AFF1: variants seen among roughly 807,000 people sequenced by gnomAD.
The protein encoded by AFF1 is AF4/FMR2 family member 1.
In AFF1, 48 loss-of-function variants were observed where a neutral mutation model predicts 121.7. That is an observed-to-expected ratio of 0.39 (90% confidence interval 0.31 to 0.50). The LOEUF is 0.50. Among genes scored for constraint, AFF1 ranks in the 20% least tolerant of loss-of-function variants. The probability of loss-of-function intolerance (pLI) is 0.76; values close to 1 mark genes in which losing one functional copy is unlikely to be tolerated. For missense variants in AFF1, 1,523 were observed against 1,511.7 expected (o/e 1.01, Z -0.12); for synonymous variants, 613 against 563.0 (o/e 1.09, Z -1.26).
At chr4:86,976,432 C>T (rs1269682257) in intron 2 of AFF1, among the ~76,000 whole-genome samples, 5 of 152,062 alleles carry the variant, frequency 3.3e-5, no homozygotes, top group Admixed American at 1.3e-4. Context: ...TGTCATATCA[C>T]GCACCCATGA....
chr4:86,958,088 TTC>T (rs1721876834), intron 2 of AFF1, among the ~76,000 whole-genome samples: 1 of 121,878 alleles, frequency 8.2e-6, no homozygotes, highest in East Asian at 2.4e-4. Context: ...TTCTTTTTTT[TTC>T]CTTTTTTTTT....
At chr4:87,125,878 G>A (rs1290892571) in intron 13 of AFF1, among the ~76,000 whole-genome samples, 1 of 152,170 alleles carries the variant, frequency 6.6e-6, no homozygotes, top group Non-Finnish European at 1.5e-5. Context: ...ACCACTGGCA[G>A]ACTCTGCAAG....
At chr4:87,019,779 C>A (rs767819812) in intron 2 of AFF1, among the ~76,000 whole-genome samples, 1 of 151,438 alleles carries the variant, frequency 6.6e-6, no homozygotes, top group Non-Finnish European at 1.5e-5. Context: ...TCCTTGAGTT[C>A]TGTGAGCCAC....
At chr4:86,962,307 G>C (rs1442312228) in intron 2 of AFF1, among the ~76,000 whole-genome samples, 1 of 151,902 alleles carries the variant, frequency 6.6e-6, no homozygotes, top group Admixed American at 6.6e-5. Flanking sequence ...AGTTAGATCT[G>C]GGTTTGAATT....
intron 4 of AFF1, among the ~76,000 whole-genome samples, chr4:87,076,617 C>T (rs1722699345): frequency 6.6e-6 from 1 of 152,144 alleles, no homozygotes; most frequent in South Asian, 2.1e-4. Flanking sequence ...GTTTTGTAAT[C>T]CATCACCCCT....
At chr4:87,078,217 A>C (rs1455051349) in intron 4 of AFF1, among the ~76,000 whole-genome samples, 1 of 152,232 alleles carries the variant, frequency 6.6e-6, no homozygotes, top group Non-Finnish European at 1.5e-5. Context: ...AAACAATGCA[A>C]AACAATTATC....
At chr4:87,121,478 A>T (rs906406259) in intron 12 of AFF1, among the ~76,000 whole-genome samples, 2 of 152,140 alleles carry the variant, frequency 1.3e-5, no homozygotes, top group African/African-American at 4.8e-5. Flanking sequence ...CTGAGCTGTT[A>T]AGCTGAATTT....
At chr4:87,125,221 C>A in intron 13 of AFF1, 78 bp downstream of exon 13, 7 of 1,038,376 alleles carry the variant, frequency 6.7e-6, no homozygotes, top group Non-Finnish European at 1.4e-6. Context: ...AGAAATTTTT[C>A]TTCTGCACTA....
In AFF1 at chr4:87,098,969, G is replaced by A. The variant is rs185212826; in HGVS notation, c.1283+4000G>A. ...TTTTAAATATTTTGGTAAAGAGCAA[G>A]GGAAGACTCATTCTGTTTATTGTAA... On this transcript the variant is annotated intron_variant, in intron 8 of 20. Coordinates refer to ENST00000395146, the MANE Select transcript of AFF1 (RefSeq NM_001166693.3). 8.5e-5 allele frequency among the ~76,000 whole-genome samples: 13 copies of A among 152,298 alleles called. 1 individual carries two copies. The East Asian group carries it at 2.5e-3, about 29-fold the overall frequency.
chr4:87,087,703 C>T (rs1444738555), intron 5 of AFF1, among the ~76,000 whole-genome samples: 1 of 152,210 alleles, frequency 6.6e-6, no homozygotes, highest in East Asian at 1.9e-4. Context: ...CAGGGAACCA[C>T]TTAGGGTTTG....
chr4:87,078,463 A>T (rs1485265680), intron 4 of AFF1, among the ~76,000 whole-genome samples: 1 of 152,184 alleles, frequency 6.6e-6, no homozygotes, highest in Admixed American at 6.5e-5. Context: ...GGAACATATT[A>T]TCTAGAGGGA....
At chr4:87,029,975 A>G (rs1454564752) in intron 2 of AFF1, among the ~76,000 whole-genome samples, 2 of 152,242 alleles carry the variant, frequency 1.3e-5, no homozygotes, top group African/African-American at 2.4e-5. Context: ...AGGGGGAAAG[A>G]CATTTAAATG....
intron 2 of AFF1, among the ~76,000 whole-genome samples, chr4:86,985,249 G>A (rs897722839): frequency 1.4e-5 from 2 of 140,424 alleles, no homozygotes; most frequent in Admixed American, 7.4e-5. Context: ...AGGGGCTCAC[G>A]CCTGTAATCC....
intron 2 of AFF1, among the ~76,000 whole-genome samples, chr4:86,983,700 C>T (rs1314857974): frequency 6.7e-6 from 1 of 150,304 alleles, no homozygotes; most frequent in African/African-American, 2.5e-5. Context: ...CAGAGCAAGA[C>T]TCTGTCTCAA....
At chr4:87,123,036 G>A (rs1235592231) in intron 12 of AFF1, among the ~76,000 whole-genome samples, 1 of 152,008 alleles carries the variant, frequency 6.6e-6, no homozygotes, top group Non-Finnish European at 1.5e-5. Context: ...TGGGACTACA[G>A]GCACGCACCA....
intron 4 of AFF1, among the ~76,000 whole-genome samples, chr4:87,052,660 C>T (rs1213598294): frequency 2.0e-5 from 3 of 151,300 alleles, no homozygotes; most frequent in East Asian, 3.9e-4. Flanking sequence ...GTAACTCTGG[C>T]TTCTGGGTGG....
chr4:87,008,257 G>C (rs1482822459), intron 2 of AFF1, among the ~76,000 whole-genome samples: 2 of 152,164 alleles, frequency 1.3e-5, no homozygotes, highest in East Asian at 1.9e-4. Context: ...AAGTAGTAGG[G>C]TTCTTCAAGC....
intron 2 of AFF1, among the ~76,000 whole-genome samples, chr4:87,043,624 T>TGA (rs1468438316): frequency 6.6e-6 from 1 of 152,174 alleles, no homozygotes; most frequent in African/African-American, 2.4e-5. Flanking sequence ...CTGAAACAGG[T>TGA]GAGACTCAGA....
intron 11 of AFF1, among the ~76,000 whole-genome samples, chr4:87,111,584 C>T (rs1161111812): frequency 2.0e-5 from 3 of 151,856 alleles, no homozygotes; most frequent in Non-Finnish European, 4.4e-5. Flanking sequence ...GAACTCCTGA[C>T]CTCAAGTGAT....
Sources: gnomAD v4.1 joint callset for allele counts (sites outside exome capture counted in the v4.1 genomes callset) on GRCh38, gnomAD v4.1.1 for gene constraint, MANE v1.5 for transcripts, NCBI Gene and HGNC (gene_info 2026-07-23, HGNC 2026-07-21) for gene names.